Variants in SGO1 observed in about 807,000 individuals in gnomAD.
The protein encoded by SGO1 is shugoshin 1, also known as serologically defined breast cancer antigen NY-BR-85.
A neutral mutation model predicts 50.5 loss-of-function variants in SGO1; 39 were observed. That is an observed-to-expected ratio of 0.77 (90% CI 0.60 to 1.01). The LOEUF is 1.01. Ranked by LOEUF, SGO1 falls within the 50% of genes least tolerant of loss-of-function variation. SGO1 has a pLI of 0.00. For missense variants in SGO1, 638 were observed against 606.0 expected, an observed-to-expected ratio of 1.05 and a Z score of -0.55; for synonymous variants, 191 against 205.1, an observed-to-expected ratio of 0.93 and a Z score of 0.59.
At chr3:20,168,901 G>A (rs1027381457), downstream of SGO1, 21 of 981,346 alleles carry the variant, frequency 2.1e-5, no homozygotes, top group Middle Eastern at 1.6e-3. Flanking sequence ...CCAAAGTGCT[G>A]GGATTACAGG....
In SGO1 at chr3:20,170,241, A is replaced by C; in HGVS notation, c.*463T>G. Reference sequence around the variant, plus strand: ...TGGAGAAACCCTGTCTCTACTAAAAATACAAAATTAGCCGGGCGTAGTGGC... The same window carrying C: ...TGGAGAAACCCTGTCTCTACTAAAACTACAAAATTAGCCGGGCGTAGTGGC... On this transcript the variant is annotated 3_prime_UTR_variant, in exon 8 of 8. Transcript: ENST00000412997. 2.0e-6 allele frequency: 1 copy of C among 490,342 alleles called. No homozygotes were observed. The highest frequency in any genetic ancestry group is 2.6e-6 in the Non-Finnish European group (1 of 377,660). 30.4% of individuals were successfully genotyped at this position (490,342 alleles called of 1,614,324 possible). A position where few individuals can be genotyped will look rare whatever the true frequency, so the allele number is the denominator to read the frequency against.
At chr3:20,182,212 G>A (rs1307793037) in intron 3 of SGO1, among the ~76,000 whole-genome samples, 1 of 151,976 alleles carries the variant, frequency 6.6e-6, no homozygotes, top group Non-Finnish European at 1.5e-5. Flanking sequence ...TATATTACAT[G>A]TATCTTAATC....
downstream of SGO1, chr3:20,169,137 C>T (rs1700475305): frequency 1.0e-6 from 1 of 985,148 alleles, no homozygotes; most frequent in Admixed American, 6.2e-5. Flanking sequence ...GATTTTGGCT[C>T]TGACTGACAT....
chr3:20,165,253 G>C (rs1220149322), downstream of SGO1, among the ~76,000 whole-genome samples: 1 of 152,024 alleles, frequency 6.6e-6, no homozygotes, highest in South Asian at 2.1e-4. Flanking sequence ...CAGCTGTCTT[G>C]GGAACTAAAT....
At chr3:20,160,822 C>T in exon 9 of SGO1, 1 of 227,588 alleles carries the variant, frequency 4.4e-6, no homozygotes. Context: ...TTTGAGGACA[C>T]AGCTGAGCTT....
intron 3 of SGO1, among the ~76,000 whole-genome samples, chr3:20,182,678 C>A (rs1250185126): frequency 6.6e-6 from 1 of 152,072 alleles, no homozygotes; most frequent in African/African-American, 2.4e-5. Context: ...CTAGCAGGAC[C>A]ATATTTGAAC....
In SGO1 at chr3:20,170,028, A is replaced by C. The variant is rs1048859395; in HGVS notation, c.*676T>G. 2.0e-6 allele frequency: 2 copies of C among 984,978 alleles called. No homozygotes were observed. Among genetic ancestry groups the C allele is most frequent in the Admixed American group, 6.1e-5 (1 of 16,266 alleles). The allele number at this position is 984,978 out of a possible 1,614,324, so 61.0% of individuals were successfully genotyped here. A position where few individuals can be genotyped will look rare whatever the true frequency, so the allele number is the denominator to read the frequency against. On this transcript the variant is annotated 3_prime_UTR_variant, in exon 8 of 8. Transcript: ENST00000412997. ...CATTCACTTTAGTATCCCCTACTTA[A>C]GGGAAAAATAGAGATGCCAGAAGCT... is the stretch of plus-strand genomic sequence containing the variant.
intron 3 of SGO1, among the ~76,000 whole-genome samples, chr3:20,180,019 A>G (rs960545237): frequency 1.9e-4 from 29 of 152,188 alleles, no homozygotes. Flanking sequence ...GCTGCAGGCC[A>G]GGCGTGGTAC....
chr3:20,182,966 C>T (rs564641974), intron 3 of SGO1, among the ~76,000 whole-genome samples: 10 of 151,808 alleles, frequency 6.6e-5, no homozygotes, highest in Middle Eastern at 3.4e-3. Context: ...TGCAGTGAGC[C>T]GAGATCGCGC....
intron 3 of SGO1, among the ~76,000 whole-genome samples, chr3:20,181,910 C>G (rs1702054991): frequency 6.6e-6 from 1 of 151,870 alleles, no homozygotes; most frequent in African/African-American, 2.4e-5. Flanking sequence ...TGGCGAAACC[C>G]TGTCTCTACT....
chr3:20,168,869 G>A (rs1700453975), downstream of SGO1: 16 of 812,126 alleles, frequency 2.0e-5, no homozygotes, highest in Non-Finnish European at 2.4e-5. Flanking sequence ...TTGACCTCTC[G>A]TGATCTGCCC....
At chr3:20,178,129 T>A in intron 4 of SGO1, 142 bp downstream of exon 4, 1 of 609,232 alleles carries the variant, frequency 1.6e-6, no homozygotes. Flanking sequence ...ACACATCAAA[T>A]TCTCTTAAAT....
At chr3:20,171,978 CA>C (rs1477363856) in intron 6 of SGO1, among the ~76,000 whole-genome samples, 11 of 152,130 alleles carry the variant, frequency 7.2e-5, no homozygotes, top group Non-Finnish European at 5.9e-5. Context: ...ACTGTATCCC[CA>C]AAAAAGTAAA....
At chr3:20,166,987 C>T (rs1275114118), downstream of SGO1, among the ~76,000 whole-genome samples, 1 of 150,716 alleles carries the variant, frequency 6.6e-6, no homozygotes, top group Admixed American at 6.6e-5. Context: ...GCCTGGGTGA[C>T]AGAGTGAGAA....
chr3:20,186,811 C>T (rs1460359269), upstream of SGO1, among the ~76,000 whole-genome samples: 1 of 152,036 alleles, frequency 6.6e-6, no homozygotes, highest in Admixed American at 6.5e-5. Context: ...GATTATTTAT[C>T]CTCTCTTAAC....
chr3:20,185,177 G>A (rs890850682), intron 1 of SGO1, among the ~76,000 whole-genome samples: 3 of 152,110 alleles, frequency 2.0e-5, no homozygotes, highest in Admixed American at 6.6e-5. Flanking sequence ...GCAGAGATAG[G>A]GTAGCTATTT....
intron 8 of SGO1, among the ~76,000 whole-genome samples, chr3:20,163,491 G>A (rs1355548130): frequency 2.0e-5 from 3 of 152,060 alleles, no homozygotes; most frequent in African/African-American, 4.8e-5. Context: ...AACATCACAC[G>A]TAGGATTGCT....
In SGO1 at chr3:20,163,382, A is replaced by G. The variant is rs374472200; in HGVS notation, c.1565-2156T>C. 1.7e-3 allele frequency among the ~76,000 whole-genome samples: 258 copies of G among 152,308 alleles called. 2 individuals are homozygous for G. The highest frequency in any genetic ancestry group is 6.0e-3 in the African/African-American group (248 of 41,584). ...TTTTCTTGGAGTTAGTTCTAACAGAACTAACATTGGAATTGTCTGAATCAT... is the reference window on the plus strand; with the variant it reads ...TTTTCTTGGAGTTAGTTCTAACAGAGCTAACATTGGAATTGTCTGAATCAT... On this transcript the variant is annotated intron_variant, in intron 8 of 8. Transcript: ENST00000263753.
chr3:20,172,231 G>C (rs1264467752), intron 6 of SGO1, among the ~76,000 whole-genome samples: 1 of 152,220 alleles, frequency 6.6e-6, no homozygotes, highest in East Asian at 1.9e-4. Flanking sequence ...GCCAGGCACG[G>C]TGGCTCACGC....
Sources: gnomAD v4.1 joint callset for allele counts (sites outside exome capture counted in the v4.1 genomes callset) on GRCh38, gnomAD v4.1.1 for gene constraint, MANE v1.5 for transcripts, NCBI Gene and HGNC (gene_info 2026-07-23, HGNC 2026-07-21) for gene names.